Variants in ARAP1 observed in about 807,000 individuals in gnomAD.
The protein encoded by ARAP1 is ArfGAP with RhoGAP domain, ankyrin repeat and PH domain 1.
Under a neutral mutation model 172.2 loss-of-function variants are expected in ARAP1, and 76 were observed. The observed-to-expected ratio is 0.44, with a 90% confidence interval of 0.37 to 0.53. ARAP1 has a LOEUF of 0.53. Among genes scored for constraint, ARAP1 ranks in the 20% least tolerant of loss-of-function variants. The pLI is 0.00. For missense variants in ARAP1, 1,686 were observed against 1,977.5 expected, an observed-to-expected ratio of 0.85 and a Z score of 2.80; for synonymous variants, 804 against 803.3, an observed-to-expected ratio of 1.00 and a Z score of -0.01.
At chr11:72,697,889 G>A in intron 19 of ARAP1, 22 bp downstream of exon 19, 1 of 1,546,138 alleles carries the variant, frequency 6.5e-7, no homozygotes, top group Non-Finnish European at 8.7e-7. Context: ...GGAGGCTGGG[G>A]GCCCAGGTCT....
chr11:72,685,532 G>A lies in ARAP1; in HGVS notation c.*132C>T. 1 of 1,286,450 alleles carries A rather than the reference G, an allele frequency of 7.8e-7. No individual in the cohort carries two copies. Among genetic ancestry groups the A allele is most frequent in the Non-Finnish European group, 1.1e-6 (1 of 892,602 alleles). 79.7% of individuals were successfully genotyped at this position (1,286,450 alleles called of 1,614,324 possible). A position where few individuals can be genotyped will look rare whatever the true frequency, so the allele number is the denominator to read the frequency against. ...GGAACCCCATGCTGCAGTCAGGATG[G>A]AGGATGTGGGTTGTGGGGTGCAGTT... On this transcript the variant is annotated 3_prime_UTR_variant, in exon 35 of 35. Coordinates refer to ENST00000393609, the MANE Select transcript of ARAP1 (RefSeq NM_001040118.3).
chr11:72,695,929 T>C lies in ARAP1; in HGVS notation c.3273-64A>G. 1 of 1,542,854 alleles carries C rather than the reference T, an allele frequency of 6.5e-7. No homozygotes were observed. Among genetic ancestry groups the C allele is most frequent in the Non-Finnish European group, 8.7e-7 (1 of 1,146,866 alleles). On this transcript the variant is annotated intron_variant, in intron 23 of 34. Coordinates refer to ENST00000393609, the MANE Select transcript of ARAP1 (RefSeq NM_001040118.3). The surrounding 1 kb of genome is among the most constrained non-coding windows in gnomAD (Gnocchi z 4.4). ...GGCCAGAGCTTCCCATCTCACCCTA[T>C]TAATTTCTGACAGGTCCAAGACTGG... is the stretch of plus-strand genomic sequence containing the variant.
At chr11:72,692,856 T>C in intron 29 of ARAP1, 71 bp from the exon 30 acceptor site, 1 of 1,594,340 alleles carries the variant, frequency 6.3e-7, no homozygotes, top group East Asian at 2.2e-5. Flanking sequence ...TGCAGTGATG[T>C]GTGGGGTTGG....
intron 1 of ARAP1, among the ~76,000 whole-genome samples, chr11:72,744,931 A>C (rs1249349677): frequency 6.6e-6 from 1 of 152,204 alleles, no homozygotes. Context: ...GCCGAGAAAG[A>C]GACAGAAGGA....
At chr11:72,735,318 C>T (rs1256360111) in intron 1 of ARAP1, among the ~76,000 whole-genome samples, 1 of 151,886 alleles carries the variant, frequency 6.6e-6, no homozygotes, top group East Asian at 2.0e-4. Flanking sequence ...CCTCTCAAAA[C>T]ACAAACTGAG....
In ARAP1 at chr11:72,692,786, C is replaced by G. The variant is rs1222995645; in HGVS notation, c.3955-1G>C. On this transcript the variant is annotated splice_acceptor_variant, in intron 29 of 34. Coordinates refer to ENST00000393609, the MANE Select transcript of ARAP1 (RefSeq NM_001040118.3). LOFTEE classifies it high-confidence loss of function. ...GGGCCCCGCTCCACGGCCTCTGGCT[C>G]TGTTTGATAGAGGATCAGGGTTATG... 6.2e-7 allele frequency: 1 copy of G among 1,613,490 alleles called. No individual in the cohort carries two copies. Among genetic ancestry groups the G allele is most frequent in the Non-Finnish European group, 8.5e-7 (1 of 1,179,996 alleles).
At position 72,710,624 on chromosome 11, in the gene ARAP1, C is replaced by T; in HGVS notation, c.1214-37G>A. The T allele has an allele frequency of 6.4e-7, 1 of 1,563,744 alleles. No individual in the cohort carries two copies. Reference sequence around the variant, plus strand: ...GGGTAGAGGAGTAAGCCCAAGGTTGCAGGGAGCCCCTCAGGGGTCTCCTGG... The same window carrying T: ...GGGTAGAGGAGTAAGCCCAAGGTTGTAGGGAGCCCCTCAGGGGTCTCCTGG... On this transcript the variant is annotated intron_variant, in intron 9 of 34. Transcript: ENST00000393609. This position sits in a 1 kb window ranked among gnomAD's most constrained non-coding sequence, Gnocchi z 4.3.
intron 13 of ARAP1, chr11:72,705,111 GACAC>G (rs1856696562): frequency 2.6e-5 from 4 of 152,298 alleles, no homozygotes; most frequent in Non-Finnish European, 5.9e-5. Flanking sequence ...AAACGGATGT[GACAC>G]TCCAAGTGTC....
Position 72,726,274 on chromosome 11 carries a change from C to T in ARAP1, c.509+346G>A, listed in dbSNP as rs1186480359. Among the ~76,000 whole-genome samples, 3 of 152,060 alleles carry T rather than the reference C, an allele frequency of 2.0e-5. No individual in the cohort carries two copies. The highest frequency in any genetic ancestry group is 2.9e-5 in the Non-Finnish European group (2 of 68,018). On this transcript the variant is annotated intron_variant, in intron 3 of 34. Transcript: ENST00000393609. This position sits in a 1 kb window ranked among gnomAD's most constrained non-coding sequence, Gnocchi z 6.5. Reference sequence around the variant, plus strand: ...GACCCCGATACCCTGCAGTATCTCACAGTTGCCAGGTCCCAAGCTGAACTC... The same window carrying T: ...GACCCCGATACCCTGCAGTATCTCATAGTTGCCAGGTCCCAAGCTGAACTC...
At chr11:72,712,131 G>A (rs897858525) in intron 7 of ARAP1, 65 bp downstream of exon 7, 238 of 1,484,110 alleles carry the variant, frequency 1.6e-4, no homozygotes, top group Non-Finnish European at 2.1e-4. Context: ...AGTGTCCTGG[G>A]GTCCTGGACA....
chr11:72,685,573 G>T lies in ARAP1; in HGVS notation c.*91C>A. The T allele has an allele frequency of 6.4e-7, 1 of 1,554,554 alleles. No individual in the cohort carries two copies. The highest frequency in any genetic ancestry group is 8.9e-7 in the Non-Finnish European group (1 of 1,127,060). ...GGGTGCAGTTTCCCATGCACCCCCC[G>T]CTGGCTCACATCAGGCCTTGGAGCA... On this transcript the variant is annotated 3_prime_UTR_variant, in exon 35 of 35. Coordinates refer to ENST00000393609, the MANE Select transcript of ARAP1 (RefSeq NM_001040118.3).
chr11:72,721,677 GAGA>G (rs1239523161), intron 3 of ARAP1, among the ~76,000 whole-genome samples: 4 of 152,132 alleles, frequency 2.6e-5, no homozygotes, highest in African/African-American at 7.2e-5. Flanking sequence ...AGGGGAAAAA[GAGA>G]AGAAGTGGGG....
chr11:72,685,895 G>T, intron 34 of ARAP1, 147 bp downstream of exon 34: 1 of 1,458,818 alleles, frequency 6.9e-7, no homozygotes. Context: ...AACCAAAGAG[G>T]CCTATGAGGG....
intron 1 of ARAP1, among the ~76,000 whole-genome samples, chr11:72,733,044 G>T (rs1298006034): frequency 6.6e-6 from 1 of 152,174 alleles, no homozygotes; most frequent in Non-Finnish European, 1.5e-5. Context: ...AGAGAAGGAA[G>T]AGGGAAGAGG....
intron 30 of ARAP1, among the ~76,000 whole-genome samples, chr11:72,692,395 C>G (rs554774809): frequency 6.6e-6 from 1 of 152,304 alleles, no homozygotes; most frequent in South Asian, 2.1e-4. Flanking sequence ...TCCTGGAACA[C>G]TGTCCAGGGT....
At chr11:72,749,878 A>C (rs1448414869) in intron 1 of ARAP1, among the ~76,000 whole-genome samples, 2 of 149,152 alleles carry the variant, frequency 1.3e-5, no homozygotes, top group Non-Finnish European at 3.0e-5. Flanking sequence ...CTCAAAAAAA[A>C]AAAAAAAGTT....
At chr11:72,701,817 T>G in intron 15 of ARAP1, 34 bp from the exon 16 acceptor site, 2 of 1,608,374 alleles carry the variant, frequency 1.2e-6, no homozygotes, top group Admixed American at 3.4e-5. Flanking sequence ...CAGGTCATGC[T>G]GGCCACCCAA....
chr11:72,692,915 G>T, intron 29 of ARAP1, 130 bp from the exon 30 acceptor site: 1 of 1,236,812 alleles, frequency 8.1e-7, no homozygotes, highest in Non-Finnish European at 1.2e-6. Context: ...GTCAAATGGA[G>T]TCTGGGTTGG....
In ARAP1 at chr11:72,695,317, T is replaced by G; in HGVS notation, c.3576+70A>C. On this transcript the variant is annotated intron_variant, in intron 26 of 34. Transcript: ENST00000393609. This position sits in a 1 kb window ranked among gnomAD's most constrained non-coding sequence, Gnocchi z 4.4. Reference sequence around the variant, plus strand: ...CCTCGGGGTAGAAGCACTGCTCCCCTGGCCATCTGAGCCTGTACCTGGCCC... The same window carrying G: ...CCTCGGGGTAGAAGCACTGCTCCCCGGGCCATCTGAGCCTGTACCTGGCCC... The G allele has an allele frequency of 1.3e-6, 2 of 1,596,352 alleles. No individual in the cohort carries two copies. Among genetic ancestry groups the G allele is most frequent in the Non-Finnish European group, 1.7e-6 (2 of 1,165,186 alleles).
Sources: allele counts gnomAD v4.1 joint callset (sites outside exome capture counted in the v4.1 genomes callset), GRCh38; gene constraint gnomAD v4.1.1; non-coding constraint Gnocchi (gnomAD v3.1); transcripts MANE v1.5; gene names NCBI Gene and HGNC (gene_info 2026-07-23, HGNC 2026-07-21).